PCGF5: variants seen among roughly 807,000 people sequenced by gnomAD.
PCGF5 encodes polycomb group ring finger 5.
In PCGF5, 9 loss-of-function variants were observed where a neutral mutation model predicts 44.3. That is an observed-to-expected ratio of 0.20 (90% CI 0.12 to 0.35). PCGF5 has a LOEUF of 0.35. PCGF5 is among the 10% of genes least tolerant of loss of function. PCGF5 has a pLI of 1.00. For synonymous variants in PCGF5, 95 were observed against 102.5 expected, an observed-to-expected ratio of 0.93 and a Z score of 0.44; for missense variants, 146 against 305.3, an observed-to-expected ratio of 0.48 and a Z score of 3.89.
chr10:91,219,880 C>T (rs1008325441), upstream of PCGF5, among the ~76,000 whole-genome samples: 1 of 152,114 alleles, frequency 6.6e-6, no homozygotes, highest in Admixed American at 6.5e-5. Flanking sequence ...TTAGAGTCAT[C>T]TATCACTTTA....
At chr10:91,178,870 G>A (rs903693975) in intron 1 of PCGF5, among the ~76,000 whole-genome samples, 4 of 152,072 alleles carry the variant, frequency 2.6e-5, no homozygotes, top group Non-Finnish European at 5.9e-5. Context: ...TTGCACCAAC[G>A]TAATACATGA....
At chr10:91,187,892 G>A (rs1221775126) in intron 1 of PCGF5, among the ~76,000 whole-genome samples, 1 of 151,790 alleles carries the variant, frequency 6.6e-6, no homozygotes, top group Non-Finnish European at 1.5e-5. Context: ...ACATCTTGAT[G>A]AAAGAACTGT....
In PCGF5 at chr10:91,222,896, G is replaced by A; in HGVS notation, c.25G>A (p.Val9Met). The part of the protein sequence containing the change: MATQRKHL[V>M]KDFNPYITCY... ...AATGGCTACCCAAAGGAAACACTTG[G>A]TGAAAGATTTTAATCCTTACATTAC... The change falls in exon 2 of 10, where the codon GTG becomes ATG. Residue 9 changes from valine to methionine, a missense_variant. Around this residue, in one of 3 missense-constraint regions of PCGF5, gnomAD observed 123 missense variants for 268.6 expected, o/e 0.46. Transcript: ENST00000336126. 5 of 1,613,132 alleles carry A rather than the reference G, an allele frequency of 3.1e-6. No individual in the cohort carries two copies. Among genetic ancestry groups the A allele is most frequent in the Non-Finnish European group, 4.2e-6 (5 of 1,179,130 alleles).
intron 1 of PCGF5, among the ~76,000 whole-genome samples, chr10:91,211,618 T>G (rs565683003): frequency 1.0e-3 from 157 of 152,274 alleles, no homozygotes; most frequent in African/African-American, 3.7e-3. Context: ...GGAAGAGAGA[T>G]TCCTATGAGG....
chr10:91,178,395 C>CTTTTCT (rs1843752236), intron 1 of PCGF5, among the ~76,000 whole-genome samples: 1 of 143,544 alleles, frequency 7.0e-6, no homozygotes, highest in African/African-American at 2.6e-5. Flanking sequence ...CTTTTCTTTT[C>CTTTTCT]TTTTTTTTTT....
At chr10:91,229,089 T>A (rs769859431) in intron 2 of PCGF5, among the ~76,000 whole-genome samples, 12 of 152,254 alleles carry the variant, frequency 7.9e-5, no homozygotes, top group Non-Finnish European at 2.9e-5. Context: ...ATGTTTGTTA[T>A]ATGAGGCATC....
intron 1 of PCGF5, among the ~76,000 whole-genome samples, chr10:91,208,250 A>G (rs935501262): frequency 1.3e-5 from 2 of 152,112 alleles, no homozygotes; most frequent in Non-Finnish European, 2.9e-5. Context: ...CTTGTTGTAA[A>G]TATGGACTCA....
At chr10:91,191,010 G>A (rs921835077) in intron 1 of PCGF5, among the ~76,000 whole-genome samples, 6 of 152,046 alleles carry the variant, frequency 3.9e-5, no homozygotes, top group Non-Finnish European at 5.9e-5. Context: ...AAATCCTTAC[G>A]CTGACAGTTA....
At chr10:91,158,366 C>T (rs767570999), upstream of PCGF5, among the ~76,000 whole-genome samples, 3 of 152,164 alleles carry the variant, frequency 2.0e-5, no homozygotes, top group Non-Finnish European at 4.4e-5. Flanking sequence ...CCATGCTTTC[C>T]GGTGCATTAG....
At chr10:91,258,604 G>T (rs1465250279) in intron 6 of PCGF5, among the ~76,000 whole-genome samples, 1 of 152,138 alleles carries the variant, frequency 6.6e-6, no homozygotes. Flanking sequence ...TTTGTAAGCT[G>T]TTTGGGGCAA....
intron 2 of PCGF5, among the ~76,000 whole-genome samples, chr10:91,234,108 C>A (rs948181895): frequency 6.6e-6 from 1 of 152,182 alleles, no homozygotes; most frequent in African/African-American, 2.4e-5. Flanking sequence ...AAGATAGCAA[C>A]AACAAATGAC....
intron 9 of PCGF5, 112 bp from the exon 10 acceptor site, chr10:91,278,157 G>T: frequency 1.2e-6 from 1 of 845,716 alleles, no homozygotes. Flanking sequence ...GTAATCACTA[G>T]TACCAGGAAA....
At chr10:91,216,611 C>A (rs1372536715), upstream of PCGF5, among the ~76,000 whole-genome samples, 3 of 152,274 alleles carry the variant, frequency 2.0e-5, no homozygotes, top group East Asian at 5.8e-4. Flanking sequence ...TGTAGGAAGA[C>A]TACTTAAGAG....
upstream of PCGF5, among the ~76,000 whole-genome samples, chr10:91,215,384 C>G (rs1844522483): frequency 6.6e-6 from 1 of 152,194 alleles, no homozygotes; most frequent in African/African-American, 2.4e-5. Context: ...TCTTAATATG[C>G]ATATAATAGT....
intron 3 of PCGF5, among the ~76,000 whole-genome samples, chr10:91,241,930 C>T (rs186973250): frequency 9.9e-4 from 150 of 152,272 alleles, no homozygotes; most frequent in African/African-American, 3.4e-3. Context: ...TCAGACCACA[C>T]ATCAGACCTG....
chr10:91,273,606 T>G (rs1212119289), intron 9 of PCGF5, among the ~76,000 whole-genome samples: 1 of 152,172 alleles, frequency 6.6e-6, no homozygotes, highest in Non-Finnish European at 1.5e-5. Flanking sequence ...TGGTTTTATG[T>G]TCTGAATTCT....
At chr10:91,214,008 A>G (rs1844498502) in intron 1 of PCGF5, among the ~76,000 whole-genome samples, 1 of 152,164 alleles carries the variant, frequency 6.6e-6, no homozygotes, top group Non-Finnish European at 1.5e-5. Flanking sequence ...TGTCCTTATA[A>G]GAAGAGGAAA....
intron 1 of PCGF5, among the ~76,000 whole-genome samples, chr10:91,197,603 T>C (rs901359640): frequency 1.3e-5 from 2 of 152,182 alleles, no homozygotes; most frequent in African/African-American, 4.8e-5. Context: ...CAAAGAACTT[T>C]TGAATTTACT....
At chr10:91,234,622 T>C (rs1282191311) in intron 2 of PCGF5, among the ~76,000 whole-genome samples, 3 of 152,248 alleles carry the variant, frequency 2.0e-5, no homozygotes, top group African/African-American at 7.2e-5. Flanking sequence ...TCTGATATTA[T>C]TCAGTATTGT....
Sources: allele counts gnomAD v4.1 joint callset (sites outside exome capture counted in the v4.1 genomes callset), GRCh38; gene constraint gnomAD v4.1.1; regional missense constraint gnomAD v4.1.1; transcripts MANE v1.5; gene names NCBI Gene and HGNC (gene_info 2026-07-23, HGNC 2026-07-21).